The following AGBL1 variants were observed in gnomAD, a reference collection of about 807,000 sequenced individuals.
AGBL1 encodes the protein cytosolic carboxypeptidase 4.
Under a neutral mutation model 118.9 loss-of-function variants are expected in AGBL1, and 130 were observed. That is an observed-to-expected ratio of 1.09 (90% CI 0.95 to 1.26). The LOEUF (loss-of-function observed/expected upper bound fraction) is 1.26, where lower values mean the gene tolerates loss of function less well. AGBL1 is among the 50% of genes most tolerant of loss of function. The pLI, the probability that AGBL1 is intolerant of heterozygous loss-of-function variation, is 0.00. For synonymous variants in AGBL1, 555 were observed against 478.9 expected (o/e 1.16, Z -2.08); for missense variants, 1,584 against 1,298.1 (o/e 1.22, Z -3.38).
At chr15:86,154,603 C>T in intron 4 of AGBL1, 42 bp downstream of exon 4, 1 of 1,574,720 alleles carries the variant, frequency 6.4e-7, no homozygotes, top group Non-Finnish European at 8.6e-7. Flanking sequence ...GCTTCCAAAC[C>T]TGGGCTGGGA....
At chr15:86,297,663 A>C (rs931855740) in intron 17 of AGBL1, among the ~76,000 whole-genome samples, 5 of 152,208 alleles carry the variant, frequency 3.3e-5, no homozygotes, top group African/African-American at 4.8e-5. Context: ...CCACTCCCTG[A>C]AAATACTATT....
intron 18 of AGBL1, among the ~76,000 whole-genome samples, chr15:86,426,706 T>C (rs1397593295): frequency 2.6e-5 from 4 of 152,226 alleles, no homozygotes; most frequent in Non-Finnish European, 4.4e-5. Context: ...GATCATATCC[T>C]AAAGCTGCCC....
At chr15:86,672,011 G>A (rs1233485900) in intron 21 of AGBL1, among the ~76,000 whole-genome samples, 1 of 152,208 alleles carries the variant, frequency 6.6e-6, no homozygotes, top group Non-Finnish European at 1.5e-5. Context: ...GTTCAAGGCT[G>A]CAGTGGGCTG....
intron 22 of AGBL1, among the ~76,000 whole-genome samples, chr15:86,734,246 C>G (rs1376539737): frequency 6.6e-6 from 1 of 152,024 alleles, no homozygotes; most frequent in Non-Finnish European, 1.5e-5. Flanking sequence ...GATTGAAAAC[C>G]AGGCTTGTGT....
At chr15:86,778,469 C>CA (rs2078288889) in intron 22 of AGBL1, among the ~76,000 whole-genome samples, 1 of 152,066 alleles carries the variant, frequency 6.6e-6, no homozygotes, top group Non-Finnish European at 1.5e-5. Context: ...AAAAGACGGC[C>CA]ACCCCCCGAA....
intron 21 of AGBL1, among the ~76,000 whole-genome samples, chr15:86,595,298 A>G (rs1394767004): frequency 1.3e-5 from 2 of 152,192 alleles, no homozygotes; most frequent in African/African-American, 2.4e-5. Flanking sequence ...TCTAACAGAC[A>G]TCTTTAACTC....
intron 24 of AGBL1, among the ~76,000 whole-genome samples, chr15:87,015,111 G>C (rs536101968): frequency 5.0e-4 from 76 of 152,152 alleles, no homozygotes; most frequent in African/African-American, 1.3e-3. Flanking sequence ...CCTGCCCTTG[G>C]ACATCAGAAA....
At chr15:86,738,723 A>G (rs1485798228) in intron 22 of AGBL1, among the ~76,000 whole-genome samples, 1 of 152,236 alleles carries the variant, frequency 6.6e-6, no homozygotes, top group Non-Finnish European at 1.5e-5. Context: ...TACAAGAAAC[A>G]TAAATATCTC....
At chr15:86,204,481 T>TCCTTTCCCTTCCCCTTCCCCTTCC (rs2077957730) in intron 5 of AGBL1, among the ~76,000 whole-genome samples, 1 of 137,994 alleles carries the variant, frequency 7.2e-6, no homozygotes, top group Admixed American at 7.3e-5. Context: ...TACCTTCCCT[T>TCCTTTCCCTTCCCCTTCCCCTTCC]CCTTTCCCTT....
intron 22 of AGBL1, among the ~76,000 whole-genome samples, chr15:86,897,284 G>A (rs1887171989): frequency 6.6e-6 from 1 of 152,272 alleles, no homozygotes; most frequent in Admixed American, 6.5e-5. Flanking sequence ...AGTGTTGCAG[G>A]ATTGAATGGA....
chr15:87,015,840 T>G (rs550233753), intron 24 of AGBL1, among the ~76,000 whole-genome samples: 54 of 152,246 alleles, frequency 3.5e-4, no homozygotes, highest in African/African-American at 1.3e-3. Flanking sequence ...AAAAATGCCC[T>G]CATGGGCTAA....
intron 22 of AGBL1, among the ~76,000 whole-genome samples, chr15:86,774,822 G>A (rs2078230634): frequency 6.6e-6 from 1 of 152,108 alleles, no homozygotes; most frequent in Non-Finnish European, 1.5e-5. Context: ...GACTTAGAGG[G>A]CTGGGATAGA....
intron 18 of AGBL1, among the ~76,000 whole-genome samples, chr15:86,428,463 T>C (rs899297417): frequency 6.6e-6 from 1 of 152,264 alleles, no homozygotes; most frequent in Admixed American, 6.5e-5. Context: ...TACACGGACT[T>C]CTTTAACTTC....
chr15:86,315,933 A>C (rs1286934053), intron 17 of AGBL1, among the ~76,000 whole-genome samples: 1 of 152,168 alleles, frequency 6.6e-6, no homozygotes, highest in African/African-American at 2.4e-5. Flanking sequence ...GCATTACAAA[A>C]CATCCTGCTT....
At chr15:86,332,775 A>G (rs1332486336) in intron 17 of AGBL1, among the ~76,000 whole-genome samples, 1 of 152,172 alleles carries the variant, frequency 6.6e-6, no homozygotes, top group Non-Finnish European at 1.5e-5. Context: ...CACACAGAGT[A>G]TACTCCAAGA....
intron 17 of AGBL1, among the ~76,000 whole-genome samples, chr15:86,392,720 T>C (rs1435263247): frequency 6.6e-6 from 1 of 152,174 alleles, no homozygotes; most frequent in Non-Finnish European, 1.5e-5. Context: ...TCCTAATCTC[T>C]TTTTACAGAT....
At chr15:86,104,049 G>C (rs1896888649) in intron 1 of AGBL1, among the ~76,000 whole-genome samples, 1 of 152,226 alleles carries the variant, frequency 6.6e-6, no homozygotes, top group Non-Finnish European at 1.5e-5. Context: ...GGTGCATGCA[G>C]GTGGGTGCCC....
At chr15:86,947,675 T>C (rs1295022276) in intron 23 of AGBL1, among the ~76,000 whole-genome samples, 4 of 152,214 alleles carry the variant, frequency 2.6e-5, no homozygotes, top group Non-Finnish European at 5.9e-5. Flanking sequence ...GATATAGGCA[T>C]TGAGTGAGAT....
chr15:86,304,857 C>T (rs1449601576), intron 17 of AGBL1: 1 of 152,194 alleles, frequency 6.6e-6, no homozygotes, highest in Non-Finnish European at 1.5e-5. Flanking sequence ...TACTGGATTC[C>T]ATGTAAAGGT....
Sources: gnomAD v4.1 joint callset for allele counts (sites outside exome capture counted in the v4.1 genomes callset) on GRCh38, gnomAD v4.1.1 for gene constraint, MANE v1.5 for transcripts, NCBI Gene and HGNC (gene_info 2026-07-23, HGNC 2026-07-21) for gene names.